Variants in SYNJ2 observed in about 807,000 individuals in gnomAD.
SYNJ2 encodes the protein synaptojanin 2.
In SYNJ2, 116 loss-of-function variants were observed where a neutral mutation model predicts 141.3. The ratio of observed to expected loss-of-function variants is 0.82; its 90% confidence interval spans 0.71 to 0.96. SYNJ2 has a LOEUF of 0.96. SYNJ2 is among the 40% of genes least tolerant of loss of function. The pLI, the probability that SYNJ2 is intolerant of heterozygous loss-of-function variation, is 0.00. For missense variants in SYNJ2, 1,873 were observed against 1,934.8 expected (o/e 0.97, Z 0.60); for synonymous variants, 745 against 777.7 (o/e 0.96, Z 0.70).
chr6:158,000,106 G>A (rs1347061501), intron 1 of SYNJ2, among the ~76,000 whole-genome samples: 1 of 56,880 alleles, frequency 1.8e-5, no homozygotes. Context: ...TTTTTTTTGA[G>A]GCAGGAGCTA....
intron 1 of SYNJ2, among the ~76,000 whole-genome samples, chr6:158,015,331 G>C (rs960519559): frequency 1.3e-5 from 2 of 152,226 alleles, no homozygotes; most frequent in Non-Finnish European, 2.9e-5. Flanking sequence ...ATGAGGTAGA[G>C]AGGGAACCAG....
chr6:158,081,044 T>C, intron 18 of SYNJ2, 65 bp from the exon 19 acceptor site: 1 of 1,484,436 alleles, frequency 6.7e-7, no homozygotes, highest in Admixed American at 1.7e-5. Context: ...AACTGGGGAC[T>C]GGAGGCCGGG....
Position 158,056,052 on chromosome 6 carries a change from C to T in SYNJ2, c.857+1024C>T, listed in dbSNP as rs112873433. 5.9e-5 allele frequency among the ~76,000 whole-genome samples: 9 copies of T among 152,194 alleles called. No homozygotes were observed. In the East Asian group the frequency reaches 1.5e-3, roughly 26 times the overall value. On this transcript the variant is annotated intron_variant, in intron 6 of 26. Coordinates refer to ENST00000355585, the MANE Select transcript of SYNJ2 (RefSeq NM_003898.4). ...CTTGGTGGCTCAGATTTTAGGGAGT[C>T]GCCTGGGTGACAGAGCGAGACTCCA...
At chr6:158,069,706 A>AC in intron 14 of SYNJ2, 33 bp downstream of exon 14, 1 of 1,567,332 alleles carries the variant, frequency 6.4e-7, no homozygotes, top group Non-Finnish European at 8.7e-7. Flanking sequence ...CATCTGGGGA[A>AC]CAAGGGGTTG....
intron 23 of SYNJ2, among the ~76,000 whole-genome samples, chr6:158,087,411 T>G (rs763668704): frequency 2.2e-4 from 33 of 152,312 alleles, no homozygotes; most frequent in Non-Finnish European, 4.1e-4. Flanking sequence ...TGGTCACCCC[T>G]CTGCGCTCCG....
intron 2 of SYNJ2, among the ~76,000 whole-genome samples, chr6:158,025,238 G>C (rs961200954): frequency 6.6e-6 from 1 of 152,158 alleles, no homozygotes; most frequent in African/African-American, 2.4e-5. Context: ...CCATTCATGA[G>C]GGCTCCACTG....
intron 5 of SYNJ2, among the ~76,000 whole-genome samples, chr6:158,046,592 G>A (rs373556670): frequency 3.8e-4 from 58 of 152,294 alleles, no homozygotes; most frequent in African/African-American, 1.2e-3. Flanking sequence ...GACAGCTGCC[G>A]TTGGAAACCC....
In SYNJ2 at chr6:158,027,033, C is replaced by T; in HGVS notation, c.215-1723C>T. 1.0e-6 allele frequency: 1 copy of T among 985,408 alleles called. No individual in the cohort carries two copies. The highest frequency in any genetic ancestry group is 1.2e-6 in the Non-Finnish European group (1 of 829,922). 61.0% of individuals were successfully genotyped at this position (985,408 alleles called of 1,614,324 possible). A position where few individuals can be genotyped will look rare whatever the true frequency, so the allele number is the denominator to read the frequency against. On this transcript the variant is annotated intron_variant, in intron 2 of 26. Coordinates refer to ENST00000355585, the MANE Select transcript of SYNJ2 (RefSeq NM_003898.4). The surrounding 1 kb of genome is among the most constrained non-coding windows in gnomAD (Gnocchi z 4.6). Reference sequence around the variant, plus strand: ...GAGATGTGATGGGATCAACCCCCTGCCCTGCTGGCAGCCCCACCCCATGGC... The same window carrying T: ...GAGATGTGATGGGATCAACCCCCTGTCCTGCTGGCAGCCCCACCCCATGGC...
rs891407934 is a variant in SYNJ2 at position 158,027,315 on chromosome 6, A to C, written c.215-1441A>C. On this transcript the variant is annotated intron_variant, in intron 2 of 26. Coordinates refer to ENST00000355585, the MANE Select transcript of SYNJ2 (RefSeq NM_003898.4). The surrounding 1 kb of genome is among the most constrained non-coding windows in gnomAD (Gnocchi z 4.6). ...AGATCTCGCTGGGCGGATCCTTCAG[A>C]CCTCAGCGGGGTGGGAAGAGTGTCC... 4.3e-5 allele frequency: 27 copies of C among 627,394 alleles called. No homozygotes were observed. In the African/African-American group the frequency reaches 5.0e-4, roughly 12 times the overall value. 38.9% of individuals were successfully genotyped at this position (627,394 alleles called of 1,614,324 possible).
intron 5 of SYNJ2, among the ~76,000 whole-genome samples, chr6:158,048,478 G>T (rs1233774731): frequency 6.6e-6 from 1 of 152,176 alleles, no homozygotes; most frequent in Non-Finnish European, 1.5e-5. Flanking sequence ...GCTACACTGA[G>T]GAGTTTGCAT....
chr6:158,064,666 G>A lies in SYNJ2; in HGVS notation c.1275G>A (p.Glu425=), dbSNP rs74419966. 754 of 1,614,144 alleles carry A rather than the reference G, an allele frequency of 4.7e-4. 3 individuals carry two copies. In the African/African-American group the frequency reaches 9.3e-3, roughly 20 times the overall value. The change falls in exon 10 of 27, where the codon GAG becomes GAA. Residue 425 remains glutamate, a synonymous_variant. Coordinates refer to ENST00000355585, the MANE Select transcript of SYNJ2 (RefSeq NM_003898.4). The part of the protein sequence containing the change: ...SSKPIVDRFV[E]SFKAMWSLNG... ...AACCCATCGTTGACCGCTTTGTGGA[G>A]TCCTTCAAAGCCATGTGGTCTCTGA...
intron 26 of SYNJ2, chr6:158,094,023 A>G (rs1942873001): frequency 1.3e-6 from 1 of 764,548 alleles, no homozygotes; most frequent in African/African-American, 1.7e-5. Flanking sequence ...TCAGTGTTCT[A>G]GTAACGGACC....
In SYNJ2 at chr6:158,069,565, T is replaced by C; in HGVS notation, c.1832T>C (p.Leu611Pro). The C allele has an allele frequency of 6.2e-7, 1 of 1,614,006 alleles. No homozygotes were observed. Among genetic ancestry groups the C allele is most frequent in the Non-Finnish European group, 8.5e-7 (1 of 1,179,902 alleles). ...TTNKKMWGEQ[L>P]QKAISRSHRY... Reference sequence around the variant, plus strand: ...AACAAGAAGATGTGGGGTGAACAGCTTCAGAAAGCCATCTCACGCTCTCAT... The same window carrying C: ...AACAAGAAGATGTGGGGTGAACAGCCTCAGAAAGCCATCTCACGCTCTCAT... The change falls in exon 14 of 27, where the codon CTT becomes CCT. Residue 611 changes from leucine to proline, a missense_variant. By Grantham distance (98) the Leu-to-Pro change is moderately conservative (BLOSUM62 -3). Transcript: ENST00000355585.
chr6:158,091,788 T>C (rs1783473468), intron 25 of SYNJ2, among the ~76,000 whole-genome samples: 1 of 149,386 alleles, frequency 6.7e-6, no homozygotes. Flanking sequence ...TGCTGATACA[T>C]ACTACTTCAT....
Position 158,084,072 on chromosome 6 carries a change from C to G in SYNJ2, c.3106C>G (p.Leu1036Val). 1 of 1,614,146 alleles carries G rather than the reference C, an allele frequency of 6.2e-7. No homozygotes were observed. The highest frequency in any genetic ancestry group is 8.5e-7 in the Non-Finnish European group (1 of 1,180,010). ...FNQPGVSDSE[L>V]GGDDLSDVPG... ...TCAGCCTGGAGTCTCGGACAGTGAA[C>G]TCGGGGGAGACGACCTCTCTGATGT... Residue 1036 changes from leucine to valine, a missense_variant, in exon 22 of 27, where the codon CTC becomes GTC. Physicochemically the swap from Leu to Val is conservative, Grantham distance 32. Transcript: ENST00000355585. The surrounding 1 kb of genome is among the most constrained non-coding windows in gnomAD (Gnocchi z 5.0).
At chr6:158,076,287 T>G (rs545238289) in intron 16 of SYNJ2, among the ~76,000 whole-genome samples, 1 of 152,140 alleles carries the variant, frequency 6.6e-6, no homozygotes, top group African/African-American at 2.4e-5. Flanking sequence ...GGGCCAGACA[T>G]GGCACCAGGC....
intron 11 of SYNJ2, among the ~76,000 whole-genome samples, chr6:158,065,755 A>G (rs957188247): frequency 1.3e-5 from 2 of 152,080 alleles, no homozygotes; most frequent in Non-Finnish European, 2.9e-5. Flanking sequence ...TTTAGTTTCT[A>G]CTCTGGAAAC....
At chr6:158,044,905 G>A (rs986004139) in intron 5 of SYNJ2, among the ~76,000 whole-genome samples, 2 of 152,032 alleles carry the variant, frequency 1.3e-5, no homozygotes, top group African/African-American at 4.8e-5. Context: ...CTCGAGCTCT[G>A]TATTCAGGAG....
intron 25 of SYNJ2, among the ~76,000 whole-genome samples, chr6:158,091,088 C>T (rs545573628): frequency 4.6e-5 from 7 of 151,572 alleles, no homozygotes; most frequent in South Asian, 4.2e-4. Context: ...GAGGCCGAGG[C>T]GGGTGGATCA....
Sources: gnomAD v4.1 joint callset for allele counts (sites outside exome capture counted in the v4.1 genomes callset) on GRCh38, gnomAD v4.1.1 for gene constraint, Gnocchi (gnomAD v3.1) non-coding constraint, MANE v1.5 for transcripts, NCBI Gene and HGNC (gene_info 2026-07-23, HGNC 2026-07-21) for gene names.